Variants in CDC42BPA observed in about 807,000 individuals in gnomAD.
The protein encoded by CDC42BPA is CDC42 binding protein kinase alpha, also known as serine/threonine-protein kinase MRCK alpha.
A neutral mutation model predicts 223.5 loss-of-function variants in CDC42BPA; 80 were observed. The observed-to-expected ratio is 0.36, with a 90% confidence interval of 0.30 to 0.43. CDC42BPA has a LOEUF of 0.43. CDC42BPA is among the 20% of genes least tolerant of loss of function. The pLI, the probability that CDC42BPA is intolerant of heterozygous loss-of-function variation, is 1.00. For missense variants in CDC42BPA, 1,743 were observed against 2,099.9 expected (o/e 0.83, Z 3.32); for synonymous variants, 694 against 718.6 (o/e 0.97, Z 0.55).
rs754104594 is a variant in CDC42BPA, at chr1:227,193,860, T to C, written c.525A>G (p.Glu175=). Residue 175 remains glutamate, a synonymous_variant, in exon 5 of 37, where the codon GAA becomes GAG. Coordinates refer to ENST00000366766, the MANE Select transcript of CDC42BPA (RefSeq NM_001394014.1). ...LLSKFEDRLP[E]DMARFYLAEM... ...CAGCCAAGTAAAATCTAGCCATATC[T>C]TCAGGCAATCTATCTTCAAATTTGC... The C allele has an allele frequency of 1.2e-6, 2 of 1,613,490 alleles. No individual in the cohort carries two copies. Among genetic ancestry groups the C allele is most frequent in the South Asian group, 2.2e-5 (2 of 90,970 alleles).
At chr1:227,049,789 A>G (rs1464944509) in intron 22 of CDC42BPA, among the ~76,000 whole-genome samples, 1 of 152,196 alleles carries the variant, frequency 6.6e-6, no homozygotes, top group Non-Finnish European at 1.5e-5. Flanking sequence ...GGGGGGAAAT[A>G]TAGCAGGGTC....
At chr1:227,030,676 C>T (rs567316251) in intron 28 of CDC42BPA, among the ~76,000 whole-genome samples, 61 of 152,218 alleles carry the variant, frequency 4.0e-4, no homozygotes, top group African/African-American at 1.4e-3. Context: ...CATATCAATA[C>T]TTACAAAAAG....
chr1:227,143,813 T>C (rs1331678043), intron 8 of CDC42BPA, among the ~76,000 whole-genome samples: 1 of 152,218 alleles, frequency 6.6e-6, no homozygotes, highest in Non-Finnish European at 1.5e-5. Context: ...AACCCTGTAT[T>C]TCCCTCAGAG....
Position 227,317,746 on chromosome 1 carries a change from C to A in CDC42BPA, c.-564G>T, listed in dbSNP as rs903393144. 22 of 398,374 alleles carry A rather than the reference C, an allele frequency of 5.5e-5. No homozygotes were observed. The highest frequency in any genetic ancestry group is 4.3e-4 in the African/African-American group (21 of 48,636). The allele number at this position is 398,374 out of a possible 1,614,324, so 24.7% of individuals were successfully genotyped here. A position where few individuals can be genotyped will look rare whatever the true frequency, so the allele number is the denominator to read the frequency against. ...AACCACCACTTGGATAATGCATCAGCGGCAATTTCTCCAGCGGGAAAGGGA... is the reference window on the plus strand; with the variant it reads ...AACCACCACTTGGATAATGCATCAGAGGCAATTTCTCCAGCGGGAAAGGGA... On this transcript the variant is annotated 5_prime_UTR_variant, in exon 1 of 37. Coordinates refer to ENST00000366766, the MANE Select transcript of CDC42BPA (RefSeq NM_001394014.1).
intron 4 of CDC42BPA, among the ~76,000 whole-genome samples, chr1:227,198,241 A>G (rs1447495306): frequency 1.3e-5 from 2 of 151,910 alleles, no homozygotes; most frequent in Non-Finnish European, 2.9e-5. Context: ...ACTTGAAGCC[A>G]AGAGTTCAAG....
chr1:227,078,650 G>T (rs554676345), intron 17 of CDC42BPA, among the ~76,000 whole-genome samples: 19 of 152,060 alleles, frequency 1.2e-4, no homozygotes, highest in Non-Finnish European at 2.4e-4. Context: ...CATAGCAAAA[G>T]AGAGAGGAGG....
intron 21 of CDC42BPA, among the ~76,000 whole-genome samples, 172 bp from the exon 22 acceptor site, chr1:227,052,157 C>A (rs1673648663): frequency 6.6e-6 from 1 of 152,176 alleles, no homozygotes; most frequent in Non-Finnish European, 1.5e-5. Context: ...AAAAGCATAA[C>A]CACTACCTTT....
intron 34 of CDC42BPA, among the ~76,000 whole-genome samples, chr1:227,005,397 T>C (rs1663810127): frequency 6.6e-6 from 1 of 152,226 alleles, no homozygotes; most frequent in Non-Finnish European, 1.5e-5. Context: ...AAAAGCTATA[T>C]GGTTAGATGT....
At chr1:227,044,593 T>C (rs954836288) in intron 23 of CDC42BPA, among the ~76,000 whole-genome samples, 2 of 152,186 alleles carry the variant, frequency 1.3e-5, no homozygotes, top group African/African-American at 4.8e-5. Context: ...TAGGTATCTA[T>C]ATGGGCGGGG....
intron 1 of CDC42BPA, among the ~76,000 whole-genome samples, chr1:227,268,576 GTA>G (rs200903433): frequency 0.15 from 22,074 of 146,660 alleles, 2,017 homozygotes; most frequent in African/African-American, 0.24. Flanking sequence ...TATATATAGT[GTA>G]TATATATATG....
rs1419529376 is a variant in CDC42BPA at position 227,043,423 on chromosome 1, A to G, written c.3094-3187T>C. On this transcript the variant is annotated intron_variant, in intron 23 of 36. Coordinates refer to ENST00000366766, the MANE Select transcript of CDC42BPA (RefSeq NM_001394014.1). ...CGAGACTTCGTCTCAAAAAAAAAAA[A>G]AAAAAAATTTAATTTTCTTTTTAAA... 3.9e-5 allele frequency among the ~76,000 whole-genome samples: 6 copies of G among 152,106 alleles called. No homozygotes were observed. The South Asian group carries it at 6.2e-4, about 16-fold the overall frequency.
chr1:227,042,555 G>A (rs892061915), intron 23 of CDC42BPA, among the ~76,000 whole-genome samples: 16 of 151,974 alleles, frequency 1.1e-4, no homozygotes, highest in Non-Finnish European at 2.1e-4. Context: ...ATTAAAGATC[G>A]TTATTCTGAG....
chr1:227,216,644 A>T lies in CDC42BPA; in HGVS notation c.271-3425T>A, dbSNP rs187163900. 3.0e-3 allele frequency among the ~76,000 whole-genome samples: 459 copies of T among 152,274 alleles called. 4 individuals are homozygous for T. The highest frequency in any genetic ancestry group is 4.6e-3 in the Admixed American group (70 of 15,296). ...ACTGATATTCATTTCAGTAGCTAAA[A>T]ATCAAGAAGAGGAGGATTCTCTTAG... On this transcript the variant is annotated intron_variant, in intron 2 of 36. Transcript: ENST00000366766.
chr1:227,020,979 T>C (rs930155755), intron 32 of CDC42BPA, among the ~76,000 whole-genome samples: 2 of 152,066 alleles, frequency 1.3e-5, no homozygotes, highest in Admixed American at 6.6e-5. Context: ...AGAGGCCCAA[T>C]GAGAGGGAGG....
intron 17 of CDC42BPA, among the ~76,000 whole-genome samples, chr1:227,075,906 A>G (rs1183870507): frequency 2.0e-5 from 3 of 152,202 alleles, no homozygotes; most frequent in African/African-American, 7.2e-5. Context: ...AACTTTGGAA[A>G]TCAACCTCTT....
intron 6 of CDC42BPA, among the ~76,000 whole-genome samples, chr1:227,157,260 C>T (rs114845813): frequency 0.018 from 2,691 of 152,252 alleles, 35 homozygotes; most frequent in Non-Finnish European, 0.026. Context: ...AGTATCATTT[C>T]CTTTGACATG....
intron 23 of CDC42BPA, among the ~76,000 whole-genome samples, chr1:227,046,315 T>C (rs1672439528): frequency 6.6e-6 from 1 of 152,020 alleles, no homozygotes; most frequent in Admixed American, 6.5e-5. Flanking sequence ...TTCTGGGCCA[T>C]TCAGTGGACC....
intron 1 of CDC42BPA, among the ~76,000 whole-genome samples, chr1:227,280,489 G>GT (rs1447193739): frequency 2.0e-5 from 3 of 152,168 alleles, no homozygotes; most frequent in Non-Finnish European, 4.4e-5. Context: ...AATCCACAGA[G>GT]TTCAGACTGT....
At chr1:227,177,136 A>ATATAT (rs5781473) in intron 5 of CDC42BPA, among the ~76,000 whole-genome samples, 4 of 147,512 alleles carry the variant, frequency 2.7e-5, no homozygotes, top group African/African-American at 1.0e-4. Context: ...AGAAAAAAAA[A>ATATAT]ATATATATAT....
Sources: allele counts gnomAD v4.1 joint callset (sites outside exome capture counted in the v4.1 genomes callset), GRCh38; gene constraint gnomAD v4.1.1; transcripts MANE v1.5; gene names NCBI Gene and HGNC (gene_info 2026-07-23, HGNC 2026-07-21).